The following CNTN5 variants were observed in gnomAD, a reference collection of about 807,000 sequenced individuals.
CNTN5 encodes contactin 5.
In CNTN5, 77 loss-of-function variants were observed where a neutral mutation model predicts 129.1. That is an observed-to-expected ratio of 0.60 (90% CI 0.50 to 0.72). The LOEUF (loss-of-function observed/expected upper bound fraction) is 0.72. CNTN5 is among the 30% of genes least tolerant of loss of function. CNTN5 has a pLI of 0.00. For missense variants in CNTN5, 1,478 were observed against 1,328.8 expected (o/e 1.11, Z -1.75); for synonymous variants, 509 against 465.6 (o/e 1.09, Z -1.20).
chr11:100,102,888 G>T (rs1166802612), intron 13 of CNTN5, among the ~76,000 whole-genome samples: 3 of 151,990 alleles, frequency 2.0e-5, no homozygotes, highest in Non-Finnish European at 4.4e-5. Flanking sequence ...CCTCTAACTG[G>T]CTGATTTTGG....
rs961735185 is a variant in CNTN5, at chr11:99,476,499, T to C, written c.-70-79646T>C. On this transcript the variant is annotated intron_variant, in intron 2 of 24. Transcript: ENST00000524871. ...TGAGTTATGATGCATATCACGTAGA[T>C]TTGTGATAGGAAATTATAGTGCACA... 2.6e-5 allele frequency among the ~76,000 whole-genome samples: 4 copies of C among 152,304 alleles called. No homozygotes were observed. The East Asian group carries it at 5.8e-4, about 22-fold the overall frequency.
intron 2 of CNTN5, among the ~76,000 whole-genome samples, chr11:99,442,021 C>G (rs1449401219): frequency 6.6e-6 from 1 of 152,042 alleles, no homozygotes; most frequent in Non-Finnish European, 1.5e-5. Context: ...GTAATCTCCT[C>G]CAGGATGTTT....
intron 1 of CNTN5, among the ~76,000 whole-genome samples, chr11:99,089,037 TA>T (rs570118129): frequency 0.014 from 2,192 of 152,196 alleles, 19 homozygotes; most frequent in Middle Eastern, 0.027. Flanking sequence ...AATAACCGAT[TA>T]AAAAAATTGA....
At chr11:99,769,194 C>G (rs1265239583) in intron 3 of CNTN5, among the ~76,000 whole-genome samples, 1 of 152,088 alleles carries the variant, frequency 6.6e-6, no homozygotes, top group Non-Finnish European at 1.5e-5. Flanking sequence ...GACCTGTTGT[C>G]TTCTTTATTC....
chr11:100,274,846 A>G (rs1239264750), intron 18 of CNTN5, among the ~76,000 whole-genome samples: 1 of 152,248 alleles, frequency 6.6e-6, no homozygotes, highest in African/African-American at 2.4e-5. Flanking sequence ...AAAGACCTAA[A>G]AACAGAAAAA....
intron 6 of CNTN5, among the ~76,000 whole-genome samples, chr11:99,913,608 T>TA (rs1411238460): frequency 2.6e-5 from 4 of 152,066 alleles, no homozygotes; most frequent in African/African-American, 9.7e-5. Flanking sequence ...TGGAGTGAAG[T>TA]ATCATCTTTT....
chr11:99,613,986 G>A (rs906436626), intron 3 of CNTN5, among the ~76,000 whole-genome samples: 1 of 152,122 alleles, frequency 6.6e-6, no homozygotes, highest in East Asian at 1.9e-4. Flanking sequence ...TATAACTATA[G>A]AATAATTATA....
At chr11:99,797,484 A>G (rs1268195516) in intron 3 of CNTN5, among the ~76,000 whole-genome samples, 1 of 152,080 alleles carries the variant, frequency 6.6e-6, no homozygotes, top group Non-Finnish European at 1.5e-5. Context: ...GACTTGTGTG[A>G]GATGGTGTTT....
chr11:100,067,348 G>C (rs1279904293), intron 10 of CNTN5, among the ~76,000 whole-genome samples: 9 of 151,968 alleles, frequency 5.9e-5, no homozygotes, highest in African/African-American at 2.2e-4. Flanking sequence ...TTGTGTGCTT[G>C]TGTATGTATT....
chr11:99,274,399 G>C (rs1354767686), intron 1 of CNTN5, among the ~76,000 whole-genome samples: 2 of 151,528 alleles, frequency 1.3e-5, no homozygotes, highest in Non-Finnish European at 3.0e-5. Context: ...AGTGTTCAGA[G>C]ATACTAAAAA....
chr11:99,204,114 C>T (rs1474880842), intron 1 of CNTN5, among the ~76,000 whole-genome samples: 1 of 152,174 alleles, frequency 6.6e-6, no homozygotes, highest in Non-Finnish European at 1.5e-5. Context: ...TACTTCATAA[C>T]AATTTATTGA....
intron 6 of CNTN5, among the ~76,000 whole-genome samples, chr11:99,866,742 G>C (rs781762144): frequency 4.6e-5 from 7 of 152,196 alleles, no homozygotes; most frequent in Non-Finnish European, 7.3e-5. Flanking sequence ...AAGTGTTGCA[G>C]GGTGCTGGCA....
intron 1 of CNTN5, among the ~76,000 whole-genome samples, chr11:99,082,352 T>G (rs935542825): frequency 1.3e-5 from 2 of 152,034 alleles, no homozygotes; most frequent in African/African-American, 4.8e-5. Flanking sequence ...GCCCAGCTAA[T>G]TTTTGTATTT....
At chr11:99,967,013 C>T (rs1422033821) in intron 8 of CNTN5, among the ~76,000 whole-genome samples, 1 of 152,014 alleles carries the variant, frequency 6.6e-6, no homozygotes, top group Non-Finnish European at 1.5e-5. Context: ...AACATCCAAC[C>T]CAGATGATAC....
intron 1 of CNTN5, among the ~76,000 whole-genome samples, chr11:99,066,817 T>C (rs1351839694): frequency 1.3e-5 from 2 of 152,150 alleles, no homozygotes; most frequent in South Asian, 2.1e-4. Flanking sequence ...ACAGCAGGAA[T>C]ACTAAGTTCC....
intron 1 of CNTN5, among the ~76,000 whole-genome samples, chr11:99,227,792 A>C (rs1860770902): frequency 6.6e-6 from 1 of 152,182 alleles, no homozygotes; most frequent in Admixed American, 6.5e-5. Context: ...CAAGAGGAAC[A>C]ATATATAATT....
At chr11:100,276,715 C>T (rs1180450561) in intron 18 of CNTN5, among the ~76,000 whole-genome samples, 1 of 151,952 alleles carries the variant, frequency 6.6e-6, no homozygotes, top group Non-Finnish European at 1.5e-5. Context: ...TTTGGGGTTA[C>T]ATGAGATATT....
chr11:99,792,868 C>T (rs1945800744), intron 3 of CNTN5, among the ~76,000 whole-genome samples: 2 of 152,008 alleles, frequency 1.3e-5, no homozygotes, highest in African/African-American at 2.4e-5. Context: ...TTGTATGTTT[C>T]CAGGAACTTA....
intron 14 of CNTN5, among the ~76,000 whole-genome samples, chr11:100,193,213 C>G (rs1267283796): frequency 3.3e-5 from 5 of 151,866 alleles, no homozygotes; most frequent in African/African-American, 1.2e-4. Flanking sequence ...TCCATAATGT[C>G]AAATGCTGCT....
Sources: allele counts gnomAD v4.1 joint callset (sites outside exome capture counted in the v4.1 genomes callset), GRCh38; gene constraint gnomAD v4.1.1; transcripts MANE v1.5; gene names NCBI Gene and HGNC (gene_info 2026-07-23, HGNC 2026-07-21).